Variants in SNTG2 observed in about 807,000 individuals in gnomAD.
The protein encoded by SNTG2 is gamma-2-syntrophin.
SNTG2 carries 74 observed loss-of-function variants against 70.9 expected under a neutral mutation model. The ratio of observed to expected loss-of-function variants is 1.04; its 90% CI spans 0.86 to 1.27. The LOEUF is 1.27. Ranked by LOEUF, SNTG2 falls within the 50% of genes most tolerant of loss-of-function variation. The pLI, the probability that SNTG2 is intolerant of heterozygous loss-of-function variation, is 0.00. For synonymous variants in SNTG2, 278 were observed against 273.8 expected, an observed-to-expected ratio of 1.02 and a Z score of -0.15; for missense variants, 717 against 690.7, an observed-to-expected ratio of 1.04 and a Z score of -0.43.
chr2:1,153,280 T>A (rs559857197), intron 6 of SNTG2, among the ~76,000 whole-genome samples: 1 of 152,218 alleles, frequency 6.6e-6, no homozygotes, highest in East Asian at 1.9e-4. Context: ...TATTATACTT[T>A]AAAGTTTTAG....
chr2:982,519 G>C lies in SNTG2; in HGVS notation c.72+31451G>C, dbSNP rs1661139872. 3.9e-5 allele frequency among the ~76,000 whole-genome samples: 6 copies of C among 152,260 alleles called. No individual in the cohort carries two copies. The South Asian group carries it at 1.2e-3, about 32-fold the overall frequency. ...TTTTTTGTGTTCCTGTTCCCTCCTG[G>C]TTGTGAGTAAAGTTGAGTAGTTAGT... On this transcript the variant is annotated intron_variant, in intron 1 of 16. Transcript: ENST00000308624.
intron 9 of SNTG2, among the ~76,000 whole-genome samples, chr2:1,216,405 TG>T: frequency 6.6e-6 from 1 of 152,272 alleles, no homozygotes; most frequent in South Asian, 2.1e-4. Context: ...TGGGGTTGTT[TG>T]TTTTTTTCTT....
intron 12 of SNTG2, among the ~76,000 whole-genome samples, chr2:1,247,945 CA>C (rs1380762015): frequency 1.3e-5 from 2 of 152,026 alleles, no homozygotes; most frequent in African/African-American, 4.8e-5. Context: ...TTCCAGTGCC[CA>C]CCGGTACCAT....
At chr2:1,124,358 G>A (rs28796319) in intron 4 of SNTG2, among the ~76,000 whole-genome samples, 70,278 of 149,962 alleles carry the variant, frequency 0.47, 17,551 homozygotes, top group East Asian at 0.66. Context: ...GCAGTGGTGC[G>A]ATCTCAGCTC....
chr2:1,246,935 A>G (rs1030526245), intron 11 of SNTG2, among the ~76,000 whole-genome samples: 3 of 152,322 alleles, frequency 2.0e-5, no homozygotes, highest in African/African-American at 7.2e-5. Context: ...GCCAACTTCT[A>G]TGTTCACTAT....
At chr2:964,514 T>A (rs1030742546) in intron 1 of SNTG2, among the ~76,000 whole-genome samples, 12 of 152,128 alleles carry the variant, frequency 7.9e-5, no homozygotes, top group South Asian at 2.1e-4. Flanking sequence ...GCAGGAAATG[T>A]GTTAGGGAGG....
At position 957,745 on chromosome 2, in the gene SNTG2, T is replaced by G. The variant is rs749097233; in HGVS notation, c.72+6677T>G. Among the ~76,000 whole-genome samples the G allele has an allele frequency of 9.4e-4, 143 of 151,774 alleles. 3 individuals carry two copies. Among genetic ancestry groups the G allele is most frequent in the Admixed American group, 4.6e-3 (70 of 15,266 alleles). ...GAGACTGAGACTGAGACGGGAGAGA[T>G]GCAGTCACAGGCCAGGGGCACCTGC... On this transcript the variant is annotated intron_variant, in intron 1 of 16. Transcript: ENST00000308624.
At chr2:1,028,036 C>G (rs985850310) in intron 1 of SNTG2, among the ~76,000 whole-genome samples, 2 of 151,506 alleles carry the variant, frequency 1.3e-5, no homozygotes, top group Non-Finnish European at 2.9e-5. Flanking sequence ...TCATGCATCT[C>G]TGTTGAGTAA....
At chr2:976,393 A>G (rs938862914) in intron 1 of SNTG2, among the ~76,000 whole-genome samples, 8 of 152,136 alleles carry the variant, frequency 5.3e-5, no homozygotes, top group African/African-American at 1.9e-4. Flanking sequence ...CTATGTGTAC[A>G]TTGTCTTTGG....
chr2:1,255,631 G>A (rs1678009719), intron 12 of SNTG2, among the ~76,000 whole-genome samples: 2 of 151,646 alleles, frequency 1.3e-5, no homozygotes, highest in African/African-American at 4.8e-5. Flanking sequence ...AATCTGCATC[G>A]GCAGGTGACG....
chr2:1,247,707 TTGGAGGTGGG>T, intron 12 of SNTG2, among the ~76,000 whole-genome samples: 1 of 152,142 alleles, frequency 6.6e-6, no homozygotes, highest in Non-Finnish European at 1.5e-5. Context: ...TCCAGCTGGT[TTGGAGGTGGG>T]ATGCAGAGGC....
intron 1 of SNTG2, among the ~76,000 whole-genome samples, chr2:967,648 G>A (rs6548285): frequency 0.34 from 52,043 of 151,970 alleles, 9,640 homozygotes; most frequent in Middle Eastern, 0.47. Flanking sequence ...CACGTTGGAT[G>A]TTGGTTTGTT....
intron 1 of SNTG2, among the ~76,000 whole-genome samples, chr2:983,286 T>TGGAGG (rs1467336282): frequency 1.1e-4 from 9 of 81,074 alleles, no homozygotes; most frequent in Non-Finnish European, 1.7e-4. Context: ...AGAGGCTCTC[T>TGGAGG]TCCATAGAAG....
intron 14 of SNTG2, among the ~76,000 whole-genome samples, chr2:1,296,083 A>G (rs1680198728): frequency 1.3e-5 from 2 of 151,168 alleles, no homozygotes; most frequent in Non-Finnish European, 3.0e-5. Flanking sequence ...GTCTCCATCG[A>G]TGCCTTCCAC....
intron 4 of SNTG2, among the ~76,000 whole-genome samples, chr2:1,119,724 T>G (rs181309532): frequency 3.0e-3 from 453 of 151,918 alleles, no homozygotes; most frequent in Non-Finnish European, 4.1e-3. Flanking sequence ...CACAGAAAAT[T>G]ATCACGTTAC....
At chr2:1,015,663 GA>G (rs1399127553) in intron 1 of SNTG2, among the ~76,000 whole-genome samples, 2 of 152,208 alleles carry the variant, frequency 1.3e-5, no homozygotes, top group African/African-American at 4.8e-5. Flanking sequence ...CTAGGAGACT[GA>G]AAAATAAAAC....
intron 4 of SNTG2, among the ~76,000 whole-genome samples, chr2:1,137,395 G>A (rs142281656): frequency 6.0e-5 from 9 of 150,686 alleles, no homozygotes; most frequent in African/African-American, 1.7e-4. Context: ...ACTCAGACTC[G>A]CAAATACCCA....
At chr2:1,364,322 T>TTA (rs1558234668) in intron 16 of SNTG2, among the ~76,000 whole-genome samples, 1 of 151,068 alleles carries the variant, frequency 6.6e-6, no homozygotes, top group African/African-American at 2.4e-5. Flanking sequence ...TAACTTCAAC[T>TTA]TATGGTACCA....
At chr2:1,070,804 C>T (rs1252456176) in intron 1 of SNTG2, among the ~76,000 whole-genome samples, 2 of 152,186 alleles carry the variant, frequency 1.3e-5, no homozygotes, top group African/African-American at 4.8e-5. Context: ...AGCAGGTGAA[C>T]CGTGACGAGG....
Sources: allele counts gnomAD v4.1 joint callset (sites outside exome capture counted in the v4.1 genomes callset), GRCh38; gene constraint gnomAD v4.1.1; transcripts MANE v1.5; gene names NCBI Gene and HGNC (gene_info 2026-07-23, HGNC 2026-07-21).